The following DNAJB13 variants were observed in gnomAD, a reference collection of about 807,000 sequenced individuals.
DNAJB13 encodes DnaJ heat shock protein family (Hsp40) member B13, also known as dnaJ homolog subfamily B member 13.
A neutral mutation model predicts 35.6 loss-of-function variants in DNAJB13; 22 were observed. The observed-to-expected ratio is 0.62, with a 90% CI of 0.44 to 0.88. The LOEUF (loss-of-function observed/expected upper bound fraction) is 0.88, where lower values mean the gene tolerates loss of function less well. DNAJB13 is among the 40% of genes least tolerant of loss of function. The pLI, the probability that DNAJB13 is intolerant of heterozygous loss-of-function variation, is 0.00. For synonymous variants in DNAJB13, 136 were observed against 144.2 expected (o/e 0.94, Z 0.41); for missense variants, 370 against 384.3 (o/e 0.96, Z 0.31).
intron 6 of DNAJB13, 38 bp downstream of exon 6, chr11:73,968,496 C>G: frequency 6.4e-7 from 1 of 1,566,552 alleles, no homozygotes; most frequent in Non-Finnish European, 8.7e-7. Context: ...GGGAGGAGAT[C>G]AGAGTGAGCC....
chr11:73,963,141 C>A (rs1192260318), intron 3 of DNAJB13, among the ~76,000 whole-genome samples: 2 of 151,982 alleles, frequency 1.3e-5, no homozygotes, highest in East Asian at 3.9e-4. Flanking sequence ...GCCTGACCAC[C>A]ATGGAGAAAA....
In DNAJB13 at chr11:73,951,062, A is replaced by G. The variant is rs904201336; in HGVS notation, c.-8A>G. On this transcript the variant is annotated 5_prime_UTR_variant, in exon 1 of 8. Coordinates refer to ENST00000339764, the MANE Select transcript of DNAJB13 (RefSeq NM_153614.4). ...ACTATCCAGGGCCTGACTGCCAGCT[A>G]GCCAGCCATGGGCCAGGATTATTAC... The G allele has an allele frequency of 6.2e-7, 1 of 1,613,944 alleles. No individual in the cohort carries two copies. The highest frequency in any genetic ancestry group is 1.7e-5 in the Admixed American group (1 of 60,022).
intron 3 of DNAJB13, among the ~76,000 whole-genome samples, chr11:73,960,370 C>G (rs1243516309): frequency 1.3e-5 from 2 of 152,174 alleles, no homozygotes; most frequent in Non-Finnish European, 2.9e-5. Context: ...TTAGTAGAGA[C>G]GTGGTTTCAC....
chr11:73,962,830 T>C (rs79477424), intron 3 of DNAJB13, among the ~76,000 whole-genome samples: 5,148 of 152,296 alleles, frequency 0.034, 113 homozygotes, highest in Non-Finnish European at 0.053. Flanking sequence ...GCTGAGTTTA[T>C]AAGCTCCACG....
chr11:73,960,287 C>G (rs1268938793), intron 3 of DNAJB13, among the ~76,000 whole-genome samples: 1 of 152,058 alleles, frequency 6.6e-6, no homozygotes, highest in South Asian at 2.1e-4. Context: ...AAGCAGTTCT[C>G]CCTGCCTCAG....
intron 2 of DNAJB13, 64 bp from the exon 3 acceptor site, chr11:73,959,430 C>T (rs2135303741): frequency 1.3e-6 from 2 of 1,558,548 alleles, no homozygotes. Context: ...GCCTGCTTCC[C>T]AGCCCCTCCA....
At chr11:73,955,884 T>G (rs1034063540) in intron 1 of DNAJB13, among the ~76,000 whole-genome samples, 1 of 152,170 alleles carries the variant, frequency 6.6e-6, no homozygotes, top group Non-Finnish European at 1.5e-5. Context: ...TGTCTTCAAG[T>G]CTCTGAAGGT....
intron 3 of DNAJB13, among the ~76,000 whole-genome samples, chr11:73,960,474 G>A (rs1471233450): frequency 6.6e-6 from 1 of 152,076 alleles, no homozygotes; most frequent in South Asian, 2.1e-4. Context: ...GAGTCACCAC[G>A]CCCAGCTAAT....
intron 4 of DNAJB13, 118 bp from the exon 5 acceptor site, chr11:73,966,020 A>G: frequency 1.1e-6 from 1 of 927,120 alleles, no homozygotes; most frequent in Non-Finnish European, 1.7e-6. Context: ...TACAAATCCC[A>G]TAGAGCATCT....
intron 4 of DNAJB13, chr11:73,965,314 C>T (rs948345498): frequency 1.1e-5 from 3 of 275,786 alleles, no homozygotes; most frequent in Non-Finnish European, 2.0e-5. Flanking sequence ...GCCCCATCCC[C>T]GTGGGAACTG....
At chr11:73,965,867 A>T in intron 4 of DNAJB13, 1 of 424,574 alleles carries the variant, frequency 2.4e-6, no homozygotes, top group Non-Finnish European at 4.4e-6. Flanking sequence ...CTCAGCCCCC[A>T]GCCCCAGTCT....
rs528389611 is a variant in DNAJB13 at position 73,957,143 on chromosome 11, G to A, written c.69-1174G>A. Among the ~76,000 whole-genome samples, 7 of 152,332 alleles carry A rather than the reference G, an allele frequency of 4.6e-5. No homozygotes were observed. In the East Asian group the frequency reaches 1.2e-3, roughly 25 times the overall value. ...CCCTTCCTGCCCTGCTGCGCTCCGG[G>A]AGGCTTCCTTGCCCTCAGCCTTCCA... On this transcript the variant is annotated intron_variant, in intron 1 of 7. Coordinates refer to ENST00000339764, the MANE Select transcript of DNAJB13 (RefSeq NM_153614.4).
At position 73,968,360 on chromosome 11, in the gene DNAJB13, C is replaced by T; in HGVS notation, c.622C>T (p.Pro208Ser). ...KEGDQGPNII[P>S]ADIIFIVKEK... is the part of the protein sequence containing the mutation. ...CCCTGCCCAGGGCCCCAACATCATC[C>T]CAGCAGACATCATTTTCATCGTAAA... The change falls in exon 6 of 8, where the codon CCA becomes TCA. Residue 208 changes from proline (P) to serine (S), a missense_variant. By Grantham distance (74) the Pro-to-Ser change is moderately conservative. Coordinates refer to ENST00000339764, the MANE Select transcript of DNAJB13 (RefSeq NM_153614.4). The T allele has an allele frequency of 4.3e-6, 7 of 1,614,172 alleles. No individual in the cohort carries two copies. The highest frequency in any genetic ancestry group is 5.9e-6 in the Non-Finnish European group (7 of 1,180,036).
intron 5 of DNAJB13, among the ~76,000 whole-genome samples, chr11:73,967,238 G>A (rs1251343963): frequency 2.6e-5 from 4 of 151,978 alleles, no homozygotes; most frequent in South Asian, 2.1e-4. Context: ...CAGGTGATAC[G>A]CCTGCCTCGG....
At chr11:73,959,066 G>T (rs1013079290) in intron 2 of DNAJB13, among the ~76,000 whole-genome samples, 1 of 151,250 alleles carries the variant, frequency 6.6e-6, no homozygotes, top group African/African-American at 2.5e-5. Flanking sequence ...AGGGTCCTTA[G>T]ACTCTAGGAT....
intron 3 of DNAJB13, chr11:73,963,897 C>A (rs1951007993): frequency 6.6e-6 from 1 of 152,148 alleles, no homozygotes; most frequent in African/African-American, 2.4e-5. Context: ...CGGCGTGGCA[C>A]AGTGGTTAAG....
chr11:73,970,163 C>T lies in DNAJB13; in HGVS notation c.*49C>T, dbSNP rs183641677. ...GAGAGGAGGCTAGCCGGGCCTCACC[C>T]CACCCCTACCCGCCACAGCCTCAGG... On this transcript the variant is annotated 3_prime_UTR_variant, in exon 8 of 8. Coordinates refer to ENST00000339764, the MANE Select transcript of DNAJB13 (RefSeq NM_153614.4). 17 of 1,514,302 alleles carry T rather than the reference C, an allele frequency of 1.1e-5. 1 individual carries two copies. The Admixed American group carries it at 3.5e-4, about 31-fold the overall frequency. 93.8% of individuals were successfully genotyped at this position (1,514,302 alleles called of 1,614,324 possible).
At chr11:73,969,885 G>C in intron 7 of DNAJB13, 76 bp from the exon 8 acceptor site, 1 of 1,515,058 alleles carries the variant, frequency 6.6e-7, no homozygotes, top group Non-Finnish European at 8.9e-7. Context: ...TATGTGAGTA[G>C]GGGTTATATG....
intron 5 of DNAJB13, among the ~76,000 whole-genome samples, chr11:73,966,649 A>G (rs1456998797): frequency 5.3e-5 from 8 of 152,104 alleles, no homozygotes; most frequent in South Asian, 2.1e-4. Flanking sequence ...CCATTTAATC[A>G]TAATAATTTT....
Sources: gnomAD v4.1 joint callset for allele counts (sites outside exome capture counted in the v4.1 genomes callset) on GRCh38, gnomAD v4.1.1 for gene constraint, MANE v1.5 for transcripts, NCBI Gene and HGNC (gene_info 2026-07-23, HGNC 2026-07-21) for gene names.